KIAA0586: variants seen among roughly 807,000 people sequenced by gnomAD.
The protein encoded by KIAA0586 is protein TALPID3.
A neutral mutation model predicts 169.8 loss-of-function variants in KIAA0586; 144 were observed. The observed-to-expected ratio is 0.85, with a 90% CI of 0.74 to 0.97. KIAA0586 has a LOEUF of 0.97. Among genes scored for constraint, KIAA0586 ranks in the 50% least tolerant of loss-of-function variants. The probability of loss-of-function intolerance (pLI) is 0.00; values close to 1 mark genes in which losing one functional copy is unlikely to be tolerated. For missense variants in KIAA0586, 1,854 were observed against 1,823.0 expected (o/e 1.02, Z -0.31); for synonymous variants, 625 against 612.4 (o/e 1.02, Z -0.30).
At chr14:58,522,171 C>T (rs1223740029) in intron 29 of KIAA0586, among the ~76,000 whole-genome samples, 1 of 152,134 alleles carries the variant, frequency 6.6e-6, no homozygotes, top group East Asian at 1.9e-4. Flanking sequence ...TCCATTTTCA[C>T]CTCCTTTGAT....
downstream of KIAA0586, among the ~76,000 whole-genome samples, chr14:58,551,849 G>A (rs2047212992): frequency 6.6e-6 from 1 of 152,062 alleles, no homozygotes; most frequent in South Asian, 2.1e-4. Context: ...TTATATGTGA[G>A]TAACTTGAAC....
At chr14:58,477,868 C>G (rs905848926) in intron 20 of KIAA0586, among the ~76,000 whole-genome samples, 1 of 151,158 alleles carries the variant, frequency 6.6e-6, no homozygotes, top group African/African-American at 2.4e-5. Flanking sequence ...CCCTTTCGCT[C>G]TTCTCCCCAT....
At position 58,504,386 on chromosome 14, in the gene KIAA0586, C is replaced by A. The variant is rs577818707; in HGVS notation, c.4169-4169C>A. ...TTATTGGATAGATGGTCATCTCAGT[C>A]ACTGAGAGAGAGCGAATATGGAGGA... On this transcript the variant is annotated intron_variant, in intron 27 of 30. Transcript: ENST00000652326. Among the ~76,000 whole-genome samples, 3 of 152,184 alleles carry A rather than the reference C, an allele frequency of 2.0e-5. No individual in the cohort carries two copies. The South Asian group carries it at 6.2e-4, about 32-fold the overall frequency.
chr14:58,429,905 T>C (rs1201254285), intron 2 of KIAA0586, among the ~76,000 whole-genome samples: 3 of 152,198 alleles, frequency 2.0e-5, no homozygotes, highest in African/African-American at 7.2e-5. Context: ...CGAAAGTATT[T>C]GATAAATACA....
the KIAA0586 span, among the ~76,000 whole-genome samples, chr14:58,559,476 C>T: frequency 6.6e-6 from 1 of 152,188 alleles, no homozygotes; most frequent in Admixed American, 6.5e-5. Context: ...TGCTTTTGGT[C>T]ATTCTCCAGT....
chr14:58,474,191 A>G (rs985217915), intron 18 of KIAA0586, among the ~76,000 whole-genome samples: 1 of 152,116 alleles, frequency 6.6e-6, no homozygotes, highest in Non-Finnish European at 1.5e-5. Context: ...AGCACCGCCC[A>G]CCAGGCCCCA....
At chr14:58,551,798 T>C (rs2047212548), downstream of KIAA0586, among the ~76,000 whole-genome samples, 1 of 152,110 alleles carries the variant, frequency 6.6e-6, no homozygotes, top group African/African-American at 2.4e-5. Context: ...AATTGAAATA[T>C]ACTTATCTTT....
intron 7 of KIAA0586, among the ~76,000 whole-genome samples, chr14:58,449,484 A>G (rs2039173945): frequency 6.6e-6 from 1 of 152,212 alleles, no homozygotes; most frequent in South Asian, 2.1e-4. Context: ...AGCTGTGATC[A>G]TGCAGCTGTA....
chr14:58,501,889 G>A (rs1018600504), intron 27 of KIAA0586, among the ~76,000 whole-genome samples: 5 of 152,142 alleles, frequency 3.3e-5, no homozygotes, highest in African/African-American at 9.7e-5. Flanking sequence ...TCACAAATCC[G>A]GTAGTGGCTT....
intron 27 of KIAA0586, among the ~76,000 whole-genome samples, chr14:58,507,467 T>G (rs1357398744): frequency 6.6e-6 from 1 of 150,888 alleles, no homozygotes; most frequent in Non-Finnish European, 1.5e-5. Context: ...ATTGATTATA[T>G]TTTAAAAGGT....
chr14:58,485,527 C>T (rs1039272419), intron 21 of KIAA0586, among the ~76,000 whole-genome samples: 2 of 152,248 alleles, frequency 1.3e-5, no homozygotes, highest in African/African-American at 4.8e-5. Context: ...AGCAGTCCCA[C>T]TTCTGGGAAC....
chr14:58,513,088 C>G (rs969900595), intron 29 of KIAA0586, among the ~76,000 whole-genome samples: 30 of 151,994 alleles, frequency 2.0e-4, no homozygotes, highest in Non-Finnish European at 8.8e-5. Flanking sequence ...TATCATAGTT[C>G]TTTATCAAAC....
intron 3 of KIAA0586, 92 bp downstream of exon 3, chr14:58,430,809 G>T: frequency 1.5e-6 from 1 of 672,572 alleles, no homozygotes; most frequent in Non-Finnish European, 2.5e-6. Context: ...GTGACAGTAA[G>T]TACATTCACA....
In KIAA0586 at chr14:58,488,603, A is replaced by T. The variant is rs773497382; in HGVS notation, c.3528-18A>T. ...TTCAGTGACCTAACAAGCTCCAAAT[A>T]TGTCTTTATTTTCTTAGTGTAATGT... On this transcript the variant is annotated intron_variant, in intron 23 of 30. Transcript: ENST00000652326. 1 of 1,612,176 alleles carries T rather than the reference A, an allele frequency of 6.2e-7. No individual in the cohort carries two copies. The highest frequency in any genetic ancestry group is 8.5e-7 in the Non-Finnish European group (1 of 1,178,618).
At chr14:58,445,125 A>G (rs2038760773) in intron 6 of KIAA0586, among the ~76,000 whole-genome samples, 1 of 144,002 alleles carries the variant, frequency 6.9e-6, no homozygotes, top group African/African-American at 2.5e-5. Flanking sequence ...ACACACATAC[A>G]TACACACACA....
intron 29 of KIAA0586, among the ~76,000 whole-genome samples, chr14:58,531,321 C>T (rs1216805423): frequency 7.1e-6 from 1 of 140,632 alleles, no homozygotes; most frequent in East Asian, 2.0e-4. Context: ...ACCGAGACTC[C>T]GTCTCAAAAA....
intron 18 of KIAA0586, among the ~76,000 whole-genome samples, chr14:58,472,687 T>C (rs765435984): frequency 1.1e-4 from 17 of 151,232 alleles, no homozygotes; most frequent in Non-Finnish European, 2.4e-4. Context: ...GAATATCCCA[T>C]ATGGAAGGAA....
At chr14:58,490,792 C>T (rs2042792034) in intron 25 of KIAA0586, among the ~76,000 whole-genome samples, 1 of 151,704 alleles carries the variant, frequency 6.6e-6, no homozygotes, top group Admixed American at 6.6e-5. Flanking sequence ...TTGAAAAAAC[C>T]GTTAAGGAAT....
chr14:58,521,402 G>T (rs1275627596), intron 29 of KIAA0586: 7 of 860,550 alleles, frequency 8.1e-6, no homozygotes, highest in Non-Finnish European at 1.4e-5. Flanking sequence ...ATGTTAATGA[G>T]AGAAATGCCC....
Sources: allele counts gnomAD v4.1 joint callset (sites outside exome capture counted in the v4.1 genomes callset), GRCh38; gene constraint gnomAD v4.1.1; transcripts MANE v1.5; gene names NCBI Gene and HGNC (gene_info 2026-07-23, HGNC 2026-07-21).